The following ZAN variants were observed in gnomAD, a reference collection of about 807,000 sequenced individuals.
The protein encoded by ZAN is zonadhesin, also known as zonadhesin (gene/pseudogene).
A neutral mutation model predicts 286.2 loss-of-function variants in ZAN; 260 were observed. The ratio of observed to expected loss-of-function variants is 0.91; its 90% CI spans 0.82 to 1.01. The LOEUF (loss-of-function observed/expected upper bound fraction) is 1.01. Ranked by LOEUF, ZAN falls within the 50% of genes least tolerant of loss-of-function variation. ZAN has a pLI of 0.00. For synonymous variants in ZAN, 1,368 were observed against 1,417.5 expected (o/e 0.97, Z 0.79); for missense variants, 3,410 against 3,639.2 (o/e 0.94, Z 1.62).
intron 28 of ZAN, 84 bp downstream of exon 28, chr7:100,770,058 C>T (rs1157804931): frequency 1.5e-6 from 2 of 1,341,418 alleles, no homozygotes; most frequent in Admixed American, 4.4e-5. Context: ...GGAGAAACAA[C>T]AAGACCAGAA....
intron 35 of ZAN, among the ~76,000 whole-genome samples, chr7:100,783,960 G>A (rs1189563522): frequency 6.7e-6 from 1 of 148,884 alleles, no homozygotes; most frequent in Non-Finnish European, 1.5e-5. Flanking sequence ...TTGCTTAAGG[G>A]CCTTTCTTTA....
intron 34 of ZAN, among the ~76,000 whole-genome samples, 154 bp downstream of exon 34, chr7:100,776,718 C>CTTTTTTTTTTTTTTT (rs1161585746): frequency 4.2e-5 from 2 of 47,508 alleles, no homozygotes; most frequent in Non-Finnish European, 6.9e-5. Context: ...CCTCTCCTTT[C>CTTTTTTTTTTTTTTT]TTTTTTTTTT....
At position 100,784,657 on chromosome 7, in the gene ZAN, C is replaced by T; in HGVS notation, c.6657C>T (p.Asn2219=). 1 of 1,614,020 alleles carries T rather than the reference C, an allele frequency of 6.2e-7. No individual in the cohort carries two copies. The highest frequency in any genetic ancestry group is 8.5e-7 in the Non-Finnish European group (1 of 1,179,896). The part of the protein sequence containing the change: ...LECPAYSSYT[N]CLPSCSPSCW... ...GCCCTGCCTACAGCAGCTACACCAA[C>T]TGCCTTCCCTCCTGCTCACCCTCCT... is the stretch of plus-strand genomic sequence containing the variant. The change falls in exon 36 of 48, where the codon AAC becomes AAT. Residue 2219 remains asparagine, a synonymous_variant. Coordinates refer to ENST00000613979, the MANE Select transcript of ZAN (RefSeq NM_003386.3).
At chr7:100,787,497 C>G (rs1003071125) in intron 37 of ZAN, among the ~76,000 whole-genome samples, 2 of 152,094 alleles carry the variant, frequency 1.3e-5, no homozygotes, top group Non-Finnish European at 1.5e-5. Flanking sequence ...CAGGGGATGC[C>G]ACCGTGGGGG....
chr7:100,775,300 T>G (rs1810673695), intron 31 of ZAN, 28 bp from the exon 32 acceptor site: 1 of 1,608,414 alleles, frequency 6.2e-7, no homozygotes, highest in Admixed American at 1.7e-5. Context: ...AGGAGCGTCA[T>G]AGCCCAGCTG....
intron 7 of ZAN, among the ~76,000 whole-genome samples, chr7:100,744,390 G>T (rs1483354754): frequency 6.7e-6 from 1 of 149,978 alleles, no homozygotes; most frequent in Non-Finnish European, 1.5e-5. Context: ...CCAGAGGTCA[G>T]GAGTCCGAGA....
intron 39 of ZAN, 60 bp from the exon 40 acceptor site, chr7:100,790,879 TAAA>T (rs5886138): frequency 7.2e-3 from 8,498 of 1,188,314 alleles, no homozygotes; most frequent in East Asian, 9.1e-3. Context: ...CAAGACTGTC[TAAA>T]AAAAAAAAAA....
At chr7:100,760,588 C>T in intron 19 of ZAN, 52 bp downstream of exon 19, 1 of 1,600,728 alleles carries the variant, frequency 6.2e-7, no homozygotes, top group Non-Finnish European at 8.5e-7. Context: ...CTGCCTCTTC[C>T]TGCTGCCTCT....
At chr7:100,755,520 C>A in intron 15 of ZAN, 110 bp downstream of exon 15, 1 of 1,278,286 alleles carries the variant, frequency 7.8e-7, no homozygotes, top group African/African-American at 1.5e-5. Flanking sequence ...CCGGATAGTC[C>A]CAAGGGGTCA....
chr7:100,792,146 A>C lies in ZAN; in HGVS notation c.7710A>C (p.Gln2570His), dbSNP rs1812019029. Residue 2570 changes from glutamine to histidine, a missense_variant and splice_region_variant, in exon 41 of 48, where the codon CAA (glutamine) becomes CAC (histidine). Gln to His is a conservative substitution (Grantham distance 24). Transcript: ENST00000613979. ...AGACGGTGGCCCCAGAGCCCTTCCA[A>C]GAGTGAGTCATGGGCCCAGGACTTG... The part of the protein sequence containing the change: ...CHQTVAPEPF[Q>H]EHCVLDLCSA... 9 of 1,605,428 alleles carry C rather than the reference A, an allele frequency of 5.6e-6. No homozygotes were observed. Among genetic ancestry groups the C allele is most frequent in the Non-Finnish European group, 7.7e-6 (9 of 1,176,128 alleles).
chr7:100,776,662 TCC>T, intron 34 of ZAN, 98 bp downstream of exon 34: 1 of 659,256 alleles, frequency 1.5e-6, no homozygotes. Flanking sequence ...TCCCCTCCCC[TCC>T]CCTTCCTTCC....
chr7:100,781,438 G>A (rs571766888), intron 35 of ZAN, among the ~76,000 whole-genome samples: 1 of 152,190 alleles, frequency 6.6e-6, no homozygotes, highest in South Asian at 2.1e-4. Flanking sequence ...GTGCTGCAGA[G>A]CTTCTCAGGG....
chr7:100,772,626 C>T (rs1810449301), intron 29 of ZAN, among the ~76,000 whole-genome samples: 1 of 151,720 alleles, frequency 6.6e-6, no homozygotes, highest in African/African-American at 2.4e-5. Flanking sequence ...TCGAGACCAT[C>T]CTGGCTAACA....
In ZAN at chr7:100,775,445, C is replaced by A. The variant is rs770061734; in HGVS notation, c.5897C>A (p.Ala1966Asp). 1 of 1,613,988 alleles carries A rather than the reference C, an allele frequency of 6.2e-7. No individual in the cohort carries two copies. The highest frequency in any genetic ancestry group is 1.7e-5 in the Admixed American group (1 of 60,008). ...GTGAAAGTGTGCCACCCCGCCATGG[C>A]CTTGCCCTTCTTCAAGATCAGTGCC... ...VLVKVCHPAM[A>D]LPFFKISAKH... Residue 1966 changes from alanine to aspartate, a missense_variant, in exon 32 of 48, where the codon GCC becomes GAC. Transcript: ENST00000613979.
chr7:100,788,066 T>C lies in ZAN; in HGVS notation c.7157T>C (p.Ile2386Thr), dbSNP rs1407556957. 1.3e-6 allele frequency: 2 copies of C among 1,588,122 alleles called. No individual in the cohort carries two copies. Among genetic ancestry groups the C allele is most frequent in the East Asian group, 2.2e-5 (1 of 44,760 alleles). ...AAGATGGATCCGCCCAGGAGCTCCA[T>C]CTTCTTGCAGGAAGTGATTACCACC... ...RNKMDPPRSS[I>T]FLQEVITTVY... Residue 2386 changes from isoleucine to threonine, a missense_variant, in exon 38 of 48, where the codon ATC becomes ACC. Physicochemically the swap from Ile to Thr is moderately conservative, Grantham distance 89. Around this residue, in one of 7 missense-constraint regions of ZAN, gnomAD observed 1,289 missense variants for 1,314.3 expected, o/e 0.98. Transcript: ENST00000613979.
In ZAN at chr7:100,771,945, C is replaced by T. The variant is rs775524922; in HGVS notation, c.5350C>T (p.Arg1784Cys). Residue 1784 changes from arginine to cysteine, a missense_variant, in exon 29 of 48, where the codon CGC (arginine) becomes TGC (cysteine). Coordinates refer to ENST00000613979, the MANE Select transcript of ZAN (RefSeq NM_003386.3). Reference sequence around the variant, plus strand: ...CAAGGGCGACACCACAGCCCTGTGCCGCTCCCTGCAGGCCTACGCGTCCCT... The same window carrying T: ...CAAGGGCGACACCACAGCCCTGTGCTGCTCCCTGCAGGCCTACGCGTCCCT... ...GTKGDTTALC[R>C]SLQAYASLCA... The T allele has an allele frequency of 6.9e-5, 111 of 1,611,930 alleles. No homozygotes were observed. The highest frequency in any genetic ancestry group is 1.6e-4 in the Middle Eastern group (1 of 6,080).
intron 27 of ZAN, among the ~76,000 whole-genome samples, chr7:100,769,465 C>G (rs1040875563): frequency 2.0e-5 from 3 of 151,232 alleles, no homozygotes; most frequent in Non-Finnish European, 2.9e-5. Flanking sequence ...CTTTTTTTTT[C>G]TTTTCTTTTC....
Position 100,787,896 on chromosome 7 carries a change from A to G in ZAN, c.6987A>G (p.Glu2329=), listed in dbSNP as rs1258328743. ...SNSNCVSDKS[E]QCSVYGDPRY... ...TGTCTGACTTCTTGGCAGAGTCTGAACAATGCTCAGTCTATGGCGACCCCC... is the reference window on the plus strand; with the variant it reads ...TGTCTGACTTCTTGGCAGAGTCTGAGCAATGCTCAGTCTATGGCGACCCCC... The change falls in exon 38 of 48, where the codon GAA becomes GAG. Residue 2329 remains glutamate, a synonymous_variant. Coordinates refer to ENST00000613979, the MANE Select transcript of ZAN (RefSeq NM_003386.3). 4 of 1,523,764 alleles carry G rather than the reference A, an allele frequency of 2.6e-6. No individual in the cohort carries two copies. In the African/African-American group the frequency reaches 5.4e-5, roughly 21 times the overall value. 94.4% of individuals were successfully genotyped at this position (1,523,764 alleles called of 1,614,324 possible). A position where few individuals can be genotyped will look rare whatever the true frequency, so the allele number is the denominator to read the frequency against.
chr7:100,748,010 A>C, intron 9 of ZAN, 127 bp from the exon 10 acceptor site: 1 of 736,398 alleles, frequency 1.4e-6, no homozygotes. Context: ...AAAGAAAGAA[A>C]GAACTGAATT....
Sources: allele counts gnomAD v4.1 joint callset (sites outside exome capture counted in the v4.1 genomes callset), GRCh38; gene constraint gnomAD v4.1.1; regional missense constraint gnomAD v4.1.1; transcripts MANE v1.5; gene names NCBI Gene and HGNC (gene_info 2026-07-23, HGNC 2026-07-21).